Variants in PLEKHA7 observed in about 807,000 individuals in gnomAD.
PLEKHA7 encodes the protein pleckstrin homology domain containing A7.
A neutral mutation model predicts 170.0 loss-of-function variants in PLEKHA7; 104 were observed. The observed-to-expected ratio is 0.61, with a 90% confidence interval of 0.52 to 0.72. The LOEUF (loss-of-function observed/expected upper bound fraction) is 0.72, where lower values mean the gene tolerates loss of function less well. Among genes scored for constraint, PLEKHA7 ranks in the 30% least tolerant of loss-of-function variants. The pLI, the probability that PLEKHA7 is intolerant of heterozygous loss-of-function variation, is 0.00. For synonymous variants in PLEKHA7, 648 were observed against 660.8 expected, an observed-to-expected ratio of 0.98 and a Z score of 0.30; for missense variants, 1,615 against 1,671.7, an observed-to-expected ratio of 0.97 and a Z score of 0.59.
chr11:16,848,769 G>A (rs1387859676), intron 8 of PLEKHA7, among the ~76,000 whole-genome samples: 1 of 152,134 alleles, frequency 6.6e-6, no homozygotes, highest in African/African-American at 2.4e-5. Flanking sequence ...TCAGTTAAAG[G>A]TTAAAGAGTA....
At chr11:16,933,314 C>T (rs1860070564) in intron 3 of PLEKHA7, among the ~76,000 whole-genome samples, 3 of 152,202 alleles carry the variant, frequency 2.0e-5, no homozygotes, top group East Asian at 1.9e-4. Flanking sequence ...GCCAGTCTGA[C>T]TACAGTTCCA....
intron 11 of PLEKHA7, among the ~76,000 whole-genome samples, chr11:16,816,571 G>A (rs1849771149): frequency 6.6e-6 from 1 of 152,178 alleles, no homozygotes; most frequent in African/African-American, 2.4e-5. Flanking sequence ...GCGCCTCAGA[G>A]TTCTCATCTT....
At position 16,971,396 on chromosome 11, in the gene PLEKHA7, A is replaced by C. The variant is rs375351562; in HGVS notation, c.221+42593T>G. On this transcript the variant is annotated intron_variant, in intron 3 of 26. Transcript: ENST00000531066. Reference sequence around the variant, plus strand: ...AGATGCATAATAATCCACTGTACAGAGGTGTCATGACTAATTTAGCCAACA... The same window carrying C: ...AGATGCATAATAATCCACTGTACAGCGGTGTCATGACTAATTTAGCCAACA... Among the ~76,000 whole-genome samples the C allele has an allele frequency of 1.6e-4, 25 of 152,356 alleles. No individual in the cohort carries two copies. In the East Asian group the frequency reaches 2.1e-3, roughly 13 times the overall value.
chr11:16,791,312 C>G lies in PLEKHA7; in HGVS notation c.2746-113G>C. ...GTAGGAACAGGCCACATCAGAGCCA[C>G]AGAACATGACTGCCTCAGCCAAGGA... On this transcript the variant is annotated intron_variant, in intron 19 of 26. Transcript: ENST00000531066. The surrounding 1 kb of genome is among the most constrained non-coding windows in gnomAD (Gnocchi z 4.5). The G allele has an allele frequency of 9.9e-7, 1 of 1,012,546 alleles. No homozygotes were observed. Among genetic ancestry groups the G allele is most frequent in the East Asian group, 2.6e-5 (1 of 38,166 alleles). The allele number at this position is 1,012,546 out of a possible 1,614,324, so 62.7% of individuals were successfully genotyped here.
chr11:16,846,101 A>G (rs537620840), intron 8 of PLEKHA7, among the ~76,000 whole-genome samples: 55 of 152,216 alleles, frequency 3.6e-4, no homozygotes, highest in African/African-American at 1.2e-3. Flanking sequence ...CCTGGCCAAC[A>G]TGGTGAAACC....
chr11:16,831,700 G>A (rs555364205), intron 9 of PLEKHA7, among the ~76,000 whole-genome samples: 1 of 152,332 alleles, frequency 6.6e-6, no homozygotes, highest in South Asian at 2.1e-4. Context: ...CCACATATAA[G>A]CTGTGTGACC....
chr11:16,939,840 G>C (rs900164414), intron 3 of PLEKHA7, among the ~76,000 whole-genome samples: 2 of 152,222 alleles, frequency 1.3e-5, no homozygotes, highest in African/African-American at 2.4e-5. Flanking sequence ...GTGAAAGGGT[G>C]CCTTGGGATA....
intron 3 of PLEKHA7, among the ~76,000 whole-genome samples, chr11:16,960,797 G>T (rs973052469): frequency 6.6e-6 from 1 of 152,076 alleles, no homozygotes; most frequent in Admixed American, 6.5e-5. Flanking sequence ...GCCTTAGGGT[G>T]GGAACACTGC....
At chr11:16,955,749 G>T (rs1861660259) in intron 3 of PLEKHA7, among the ~76,000 whole-genome samples, 1 of 152,140 alleles carries the variant, frequency 6.6e-6, no homozygotes, top group Non-Finnish European at 1.5e-5. Flanking sequence ...ATGGGGGCTT[G>T]GGGGAAAATG....
At chr11:17,010,382 C>T (rs942068195) in intron 3 of PLEKHA7, among the ~76,000 whole-genome samples, 3 of 134,764 alleles carry the variant, frequency 2.2e-5, no homozygotes, top group African/African-American at 8.2e-5. Context: ...CAGAGCAAAG[C>T]TGTCTTTAAA....
intron 3 of PLEKHA7, among the ~76,000 whole-genome samples, chr11:16,938,803 A>C (rs951991633): frequency 6.6e-6 from 1 of 152,342 alleles, no homozygotes; most frequent in Admixed American, 6.5e-5. Context: ...TTCTTGTAAA[A>C]AACAACAACA....
chr11:16,843,164 G>A (rs1251290402), intron 8 of PLEKHA7, among the ~76,000 whole-genome samples: 1 of 152,196 alleles, frequency 6.6e-6, no homozygotes, highest in Non-Finnish European at 1.5e-5. Flanking sequence ...TTAGAGCCCA[G>A]GTCTGACTCC....
intron 3 of PLEKHA7, among the ~76,000 whole-genome samples, chr11:16,985,429 C>A (rs897420604): frequency 6.6e-6 from 1 of 151,250 alleles, no homozygotes; most frequent in Admixed American, 6.6e-5. Context: ...AAGAAATTTA[C>A]AACAATGTGA....
chr11:16,814,868 G>C (rs1849631639), intron 12 of PLEKHA7, among the ~76,000 whole-genome samples: 1 of 152,220 alleles, frequency 6.6e-6, no homozygotes, highest in East Asian at 1.9e-4. Flanking sequence ...GGCCACGGGG[G>C]CAACAAGGCT....
chr11:16,998,630 G>A (rs183924212), intron 3 of PLEKHA7, among the ~76,000 whole-genome samples: 2 of 152,208 alleles, frequency 1.3e-5, no homozygotes, highest in South Asian at 2.1e-4. Flanking sequence ...GGTGAGAAGG[G>A]CTGGAAAAGT....
At chr11:16,782,128 C>G (rs113141394) in intron 26 of PLEKHA7, among the ~76,000 whole-genome samples, 1 of 151,260 alleles carries the variant, frequency 6.6e-6, no homozygotes, top group Non-Finnish European at 1.5e-5. Flanking sequence ...GACACACATA[C>G]ACACACACAT....
At chr11:16,873,800 G>A (rs1855059699) in intron 3 of PLEKHA7, among the ~76,000 whole-genome samples, 1 of 152,150 alleles carries the variant, frequency 6.6e-6, no homozygotes, top group Admixed American at 6.6e-5. Flanking sequence ...CCAAGTAGCT[G>A]GGATTATAGG....
At chr11:16,941,871 T>C (rs1053488097) in intron 3 of PLEKHA7, among the ~76,000 whole-genome samples, 1 of 152,224 alleles carries the variant, frequency 6.6e-6, no homozygotes, top group Non-Finnish European at 1.5e-5. Context: ...TGCACAAGCA[T>C]GGGTAATTAT....
At chr11:16,870,171 A>G (rs1854713425) in intron 4 of PLEKHA7, among the ~76,000 whole-genome samples, 2 of 152,202 alleles carry the variant, frequency 1.3e-5, no homozygotes, top group Non-Finnish European at 2.9e-5. Context: ...TTAGGAAAAG[A>G]GAACAGAAAG....
Sources: gnomAD v4.1 joint callset for allele counts (sites outside exome capture counted in the v4.1 genomes callset) on GRCh38, gnomAD v4.1.1 for gene constraint, Gnocchi (gnomAD v3.1) non-coding constraint, MANE v1.5 for transcripts, NCBI Gene and HGNC (gene_info 2026-07-23, HGNC 2026-07-21) for gene names.